The following HDAC1 variants were observed in gnomAD, a reference collection of about 807,000 sequenced individuals.
HDAC1 encodes the protein protein deacetylase HDAC1.
In HDAC1, 18 loss-of-function variants were observed where a neutral mutation model predicts 65.5. The ratio of observed to expected loss-of-function variants is 0.27; its 90% CI spans 0.19 to 0.41. HDAC1 has a LOEUF of 0.41. Among genes scored for constraint, HDAC1 ranks in the 10% least tolerant of loss-of-function variants. HDAC1 has a pLI of 1.00. For missense variants in HDAC1, 373 were observed against 625.2 expected, an observed-to-expected ratio of 0.60 and a Z score of 4.30; for synonymous variants, 211 against 227.9, an observed-to-expected ratio of 0.93 and a Z score of 0.67.
intron 3 of HDAC1, among the ~76,000 whole-genome samples, chr1:32,319,915 A>G (rs1247508066): frequency 6.6e-6 from 1 of 151,810 alleles, no homozygotes; most frequent in Non-Finnish European, 1.5e-5. Context: ...AACTCGTCTC[A>G]ATAAAAAAAA....
At position 32,331,273 on chromosome 1, in the gene HDAC1, C is replaced by T. The variant is rs1641287876; in HGVS notation, c.980-201C>T. Among the ~76,000 whole-genome samples, 1 of 152,156 alleles carries T rather than the reference C, an allele frequency of 6.6e-6. No individual in the cohort carries two copies. The highest frequency in any genetic ancestry group is 2.1e-4 in the South Asian group (1 of 4,820). On this transcript the variant is annotated intron_variant, in intron 9 of 13. Coordinates refer to ENST00000373548, the MANE Select transcript of HDAC1 (RefSeq NM_004964.3). The surrounding 1 kb of genome is among the most constrained non-coding windows in gnomAD (Gnocchi z 4.2). ...GGCCTTCTCCTAGCGACATATACAC[C>T]ACTGGTACAGACATAGGAGAGTGAT...
intron 12 of HDAC1, 42 bp downstream of exon 12, chr1:32,332,284 A>G (rs1641303557): frequency 6.3e-7 from 1 of 1,579,350 alleles, no homozygotes; most frequent in East Asian, 2.2e-5. Flanking sequence ...CGAGCCTGAG[A>G]GGATGAATCT....
intron 1 of HDAC1, 109 bp downstream of exon 1, chr1:32,292,327 G>GAC: frequency 6.6e-7 from 1 of 1,518,852 alleles, no homozygotes; most frequent in Non-Finnish European, 8.8e-7. Context: ...AGGCGCTGGG[G>GAC]AGAGGCTCGG....
intron 2 of HDAC1, among the ~76,000 whole-genome samples, chr1:32,306,378 G>A (rs530289452): frequency 1.3e-5 from 2 of 151,774 alleles, no homozygotes; most frequent in Non-Finnish European, 1.5e-5. Context: ...GGCTGGTCTC[G>A]AACTCCCAAC....
chr1:32,308,709 G>A (rs1045048489), intron 2 of HDAC1, among the ~76,000 whole-genome samples: 2 of 152,076 alleles, frequency 1.3e-5, no homozygotes, highest in Non-Finnish European at 2.9e-5. Context: ...TAGTAGAGAC[G>A]GGGTTTCCCC....
rs937376262 is a variant in HDAC1, at chr1:32,330,508, C to G, written c.730-70C>G. On this transcript the variant is annotated intron_variant, in intron 7 of 13. Coordinates refer to ENST00000373548, the MANE Select transcript of HDAC1 (RefSeq NM_004964.3). The surrounding 1 kb of genome is among the most constrained non-coding windows in gnomAD (Gnocchi z 4.2). ...TAGGAGTGGGTGGGAAAGTGTTGCA[C>G]CCAGCCTTTCCACTCCAAACCTCGT... 15 of 1,052,260 alleles carry G rather than the reference C, an allele frequency of 1.4e-5. No homozygotes were observed. In the African/African-American group the frequency reaches 2.2e-4, roughly 15 times the overall value. The allele number at this position is 1,052,260 out of a possible 1,614,324, so 65.2% of individuals were successfully genotyped here. A position where few individuals can be genotyped will look rare whatever the true frequency, so the allele number is the denominator to read the frequency against.
chr1:32,309,700 A>AC (rs1640964361), intron 2 of HDAC1, among the ~76,000 whole-genome samples: 1 of 148,520 alleles, frequency 6.7e-6, no homozygotes, highest in African/African-American at 2.4e-5. Flanking sequence ...AAAAAAAAAA[A>AC]AACAAGCCTT....
Position 32,327,858 on chromosome 1 carries a change from G to A in HDAC1, c.636+181G>A, listed in dbSNP as rs1198047383. 5 of 640,996 alleles carry A rather than the reference G, an allele frequency of 7.8e-6. No individual in the cohort carries two copies. The Middle Eastern group carries it at 7.5e-4, about 96-fold the overall frequency. 39.7% of individuals were successfully genotyped at this position (640,996 alleles called of 1,614,324 possible). A position where few individuals can be genotyped will look rare whatever the true frequency, so the allele number is the denominator to read the frequency against. On this transcript the variant is annotated intron_variant, in intron 6 of 13. Coordinates refer to ENST00000373548, the MANE Select transcript of HDAC1 (RefSeq NM_004964.3). The surrounding 1 kb of genome is among the most constrained non-coding windows in gnomAD (Gnocchi z 6.0). ...CTTATTCTGGAGGAAGGGAATGATGGGACATAAAGGGCCAGAGAAAGAAGA... is the reference window on the plus strand; with the variant it reads ...CTTATTCTGGAGGAAGGGAATGATGAGACATAAAGGGCCAGAGAAAGAAGA...
Position 32,324,458 on chromosome 1 carries a change from C to G in HDAC1, c.281-21C>G, listed in dbSNP as rs1332352095. On this transcript the variant is annotated intron_variant, in intron 3 of 13. Coordinates refer to ENST00000373548, the MANE Select transcript of HDAC1 (RefSeq NM_004964.3). ...ACTAAAGGAAATTGTGGAAACTAACCTTTTGCTTATTTCTTTCAAGTCAAC... is the reference window on the plus strand; with the variant it reads ...ACTAAAGGAAATTGTGGAAACTAACGTTTTGCTTATTTCTTTCAAGTCAAC... 3 of 1,568,216 alleles carry G rather than the reference C, an allele frequency of 1.9e-6. No individual in the cohort carries two copies. In the African/African-American group the frequency reaches 4.1e-5, roughly 21 times the overall value.
chr1:32,293,626 G>A (rs1199331250), intron 1 of HDAC1, among the ~76,000 whole-genome samples: 2 of 152,006 alleles, frequency 1.3e-5, no homozygotes, highest in Admixed American at 6.6e-5. Context: ...AATTTAGGCT[G>A]GGCACGGTGG....
At chr1:32,322,255 A>G (rs537634961) in intron 3 of HDAC1, among the ~76,000 whole-genome samples, 1 of 150,788 alleles carries the variant, frequency 6.6e-6, no homozygotes, top group African/African-American at 2.4e-5. Flanking sequence ...CCTGTAGCTC[A>G]TTGATGTCTC....
intron 4 of HDAC1, 60 bp downstream of exon 4, chr1:32,324,613 T>C: frequency 9.2e-7 from 1 of 1,089,892 alleles, no homozygotes; most frequent in South Asian, 1.2e-5. Flanking sequence ...AGGTCTGCCT[T>C]TTAGGCTGCT....
chr1:32,309,651 T>C (rs1445861397), intron 2 of HDAC1, among the ~76,000 whole-genome samples: 10 of 140,226 alleles, frequency 7.1e-5, no homozygotes, highest in African/African-American at 2.8e-4. Context: ...CGTGCCACTG[T>C]ACTCCAGCCT....
chr1:32,319,086 T>C (rs998104293), intron 3 of HDAC1, among the ~76,000 whole-genome samples: 7 of 151,892 alleles, frequency 4.6e-5, no homozygotes, highest in Admixed American at 2.0e-4. Context: ...GCCACTGCAC[T>C]CCAGCCTGGG....
intron 1 of HDAC1, among the ~76,000 whole-genome samples, chr1:32,295,612 T>C (rs1640758826): frequency 6.6e-6 from 1 of 152,090 alleles, no homozygotes; most frequent in Admixed American, 6.6e-5. Context: ...TGGCCATTAA[T>C]GTATTAGTGA....
chr1:32,293,460 T>C (rs1640725517), intron 1 of HDAC1, among the ~76,000 whole-genome samples: 1 of 152,004 alleles, frequency 6.6e-6, no homozygotes, highest in Admixed American at 6.6e-5. Context: ...ATCAGGTTTA[T>C]ACCTTAGAAA....
rs1464795242 is a variant in HDAC1, at chr1:32,333,076, G to A, written c.*32G>A. ...CTCTCCAGCTCTGGCTTCCTGCTGA[G>A]TCCCTCACGTTTCTTCCCCAACCCC... is the stretch of plus-strand genomic sequence containing the variant. On this transcript the variant is annotated 3_prime_UTR_variant, in exon 14 of 14. Transcript: ENST00000373548. 2 of 1,594,580 alleles carry A rather than the reference G, an allele frequency of 1.3e-6. No individual in the cohort carries two copies. The highest frequency in any genetic ancestry group is 2.2e-5 in the East Asian group (1 of 44,752).
intron 1 of HDAC1, among the ~76,000 whole-genome samples, chr1:32,294,216 C>CACTGCA: frequency 6.6e-6 from 1 of 152,076 alleles, no homozygotes; most frequent in Non-Finnish European, 1.5e-5. Context: ...GATCTCGGCT[C>CACTGCA]ACTGCAACTG....
chr1:32,298,330 G>A (rs1273442752), intron 1 of HDAC1, among the ~76,000 whole-genome samples: 4 of 151,492 alleles, frequency 2.6e-5, no homozygotes, highest in African/African-American at 7.3e-5. Flanking sequence ...TCAGATGATC[G>A]CCTGCCTCGG....
Sources: gnomAD v4.1 joint callset for allele counts (sites outside exome capture counted in the v4.1 genomes callset) on GRCh38, gnomAD v4.1.1 for gene constraint, Gnocchi (gnomAD v3.1) non-coding constraint, MANE v1.5 for transcripts, NCBI Gene and HGNC (gene_info 2026-07-23, HGNC 2026-07-21) for gene names.